Variants in GRM5 observed in about 807,000 individuals in gnomAD.
The protein encoded by GRM5 is metabotropic glutamate receptor 5.
A neutral mutation model predicts 83.1 loss-of-function variants in GRM5; 19 were observed. The observed-to-expected ratio is 0.23, with a 90% CI of 0.16 to 0.34. The LOEUF (loss-of-function observed/expected upper bound fraction) is 0.34, where lower values mean the gene tolerates loss of function less well. Ranked by LOEUF, GRM5 falls within the 10% of genes least tolerant of loss-of-function variation. GRM5 has a pLI of 1.00. For missense variants in GRM5, 1,160 were observed against 1,588.3 expected, an observed-to-expected ratio of 0.73 and a Z score of 4.58; for synonymous variants, 675 against 633.6, an observed-to-expected ratio of 1.07 and a Z score of -0.98.
In GRM5 at chr11:88,589,017, A is replaced by C. The variant is rs554716749; in HGVS notation, c.1690+1584T>G. On this transcript the variant is annotated intron_variant, in intron 7 of 9. Transcript: ENST00000305447. Reference sequence around the variant, plus strand: ...TTCATTCTCAATATCATAGTCTTACAGAACATGAGACAAAAAGTTACATCT... The same window carrying C: ...TTCATTCTCAATATCATAGTCTTACCGAACATGAGACAAAAAGTTACATCT... Among the ~76,000 whole-genome samples the C allele has an allele frequency of 6.3e-4, 96 of 152,344 alleles. 1 individual carries two copies. Among genetic ancestry groups the C allele is most frequent in the Non-Finnish European group, 1.2e-3 (84 of 68,010 alleles).
chr11:88,978,356 T>A (rs1392805047), intron 2 of GRM5, among the ~76,000 whole-genome samples: 1 of 151,940 alleles, frequency 6.6e-6, no homozygotes, highest in African/African-American at 2.4e-5. Flanking sequence ...TCAAGTTGTA[T>A]CCATTAATTA....
At chr11:89,062,347 C>T (rs565431877) in intron 1 of GRM5, among the ~76,000 whole-genome samples, 12 of 152,318 alleles carry the variant, frequency 7.9e-5, no homozygotes, top group Admixed American at 2.0e-4. Context: ...CAGAAAACCC[C>T]TGCTTATGTC....
intron 2 of GRM5, among the ~76,000 whole-genome samples, chr11:89,025,003 A>T (rs1941094540): frequency 6.6e-6 from 1 of 151,584 alleles, no homozygotes. Context: ...CAAGCCACAA[A>T]TCTATACAAT....
chr11:88,936,945 T>C (rs941294810), intron 2 of GRM5, among the ~76,000 whole-genome samples: 1 of 151,800 alleles, frequency 6.6e-6, no homozygotes, highest in African/African-American at 2.4e-5. Context: ...TTTTAGTTTT[T>C]GAAGTATAGG....
chr11:88,867,145 C>T (rs1292315376), intron 2 of GRM5, among the ~76,000 whole-genome samples: 1 of 151,784 alleles, frequency 6.6e-6, no homozygotes, highest in Non-Finnish European at 1.5e-5. Context: ...GGCGTGATGC[C>T]TCCAGCGTTG....
At chr11:88,540,775 C>T (rs921288275) in intron 8 of GRM5, among the ~76,000 whole-genome samples, 8 of 152,138 alleles carry the variant, frequency 5.3e-5, no homozygotes, top group African/African-American at 1.4e-4. Flanking sequence ...GAGTCTCGCT[C>T]TGTCATCCAG....
intron 4 of GRM5, among the ~76,000 whole-genome samples, chr11:88,643,275 T>TACA (rs34288807): frequency 0.85 from 128,902 of 151,442 alleles, 56,798 homozygotes; most frequent in Non-Finnish European, 0.97. Flanking sequence ...TGCCATGCTT[T>TACA]ACAACTAGAT....
chr11:88,759,051 AC>A (rs1224300758), intron 3 of GRM5, among the ~76,000 whole-genome samples: 5 of 152,194 alleles, frequency 3.3e-5, no homozygotes, highest in African/African-American at 1.2e-4. Flanking sequence ...ACCTGTTACC[AC>A]CAAACCTGCC....
rs151131949 is a variant in GRM5 at position 88,738,178 on chromosome 11, A to G, written c.912-84775T>C. 1.9e-3 allele frequency among the ~76,000 whole-genome samples: 286 copies of G among 152,146 alleles called. 8 individuals are homozygous for G. The East Asian group carries it at 0.047, about 25-fold the overall frequency. Reference sequence around the variant, plus strand: ...ATTTGTACTTTAGCACAATTATAAAATCTATTTTTATTATAATATGTGGCA... The same window carrying G: ...ATTTGTACTTTAGCACAATTATAAAGTCTATTTTTATTATAATATGTGGCA... On this transcript the variant is annotated intron_variant, in intron 3 of 9. Transcript: ENST00000305447.
intron 2 of GRM5, among the ~76,000 whole-genome samples, chr11:88,952,569 C>T (rs146401220): frequency 0.02 from 2,998 of 151,998 alleles, 110 homozygotes; most frequent in African/African-American, 0.069. Context: ...TTCTCAGTAC[C>T]GCCTACTACC....
intron 2 of GRM5, among the ~76,000 whole-genome samples, chr11:88,998,698 A>G (rs1437965136): frequency 1.3e-5 from 2 of 152,214 alleles, no homozygotes; most frequent in East Asian, 3.8e-4. Flanking sequence ...GGAATCTACA[A>G]AAATACTCCT....
intron 2 of GRM5, among the ~76,000 whole-genome samples, chr11:88,994,227 A>T (rs1452446714): frequency 2.2e-4 from 34 of 151,662 alleles, no homozygotes; most frequent in Middle Eastern, 3.4e-3. Context: ...AAAGATATTT[A>T]AAAAAGACAC....
chr11:88,740,012 T>G (rs1456098852), intron 3 of GRM5, among the ~76,000 whole-genome samples: 1 of 152,098 alleles, frequency 6.6e-6, no homozygotes, highest in Non-Finnish European at 1.5e-5. Flanking sequence ...ATAAAGAAGC[T>G]CATGACACTG....
At chr11:88,790,279 C>T (rs1047133006) in intron 3 of GRM5, among the ~76,000 whole-genome samples, 1 of 152,178 alleles carries the variant, frequency 6.6e-6, no homozygotes, top group African/African-American at 2.4e-5. Flanking sequence ...ATATTATTTA[C>T]AAACACAGAA....
At chr11:88,571,076 C>T (rs1591356703) in intron 7 of GRM5, among the ~76,000 whole-genome samples, 2 of 152,224 alleles carry the variant, frequency 1.3e-5, no homozygotes, top group South Asian at 4.1e-4. Flanking sequence ...TAATTAAACA[C>T]TTAATTTTAC....
intron 2 of GRM5, among the ~76,000 whole-genome samples, chr11:88,953,365 C>T (rs1938519496): frequency 6.6e-6 from 1 of 152,186 alleles, no homozygotes; most frequent in Non-Finnish European, 1.5e-5. Context: ...AATAGGCTCT[C>T]AGAATAAGAC....
At chr11:88,832,178 C>T (rs1944007568) in intron 3 of GRM5, among the ~76,000 whole-genome samples, 1 of 152,020 alleles carries the variant, frequency 6.6e-6, no homozygotes, top group Non-Finnish European at 1.5e-5. Context: ...CCAATCAATA[C>T]CACAGATACT....
intron 2 of GRM5, among the ~76,000 whole-genome samples, chr11:88,870,252 A>G (rs1944740268): frequency 6.6e-6 from 1 of 151,582 alleles, no homozygotes; most frequent in Non-Finnish European, 1.5e-5. Context: ...AGAAGTCCCC[A>G]AGACAGACAG....
intron 3 of GRM5, among the ~76,000 whole-genome samples, chr11:88,839,135 A>G (rs572825395): frequency 6.6e-6 from 1 of 152,298 alleles, no homozygotes; most frequent in Admixed American, 6.5e-5. Flanking sequence ...CTTTTCATTA[A>G]TTAAATCACC....
Sources: allele counts gnomAD v4.1 joint callset (sites outside exome capture counted in the v4.1 genomes callset), GRCh38; gene constraint gnomAD v4.1.1; transcripts MANE v1.5; gene names NCBI Gene and HGNC (gene_info 2026-07-23, HGNC 2026-07-21).